BRCA2: variants seen among roughly 807,000 people sequenced by gnomAD.
BRCA2 encodes breast cancer type 2 susceptibility protein.
In BRCA2, 203 loss-of-function variants were observed where a neutral mutation model predicts 276.7. The ratio of observed to expected loss-of-function variants is 0.73; its 90% CI spans 0.65 to 0.82. The LOEUF (loss-of-function observed/expected upper bound fraction) is 0.82. BRCA2 is among the 40% of genes least tolerant of loss of function. The pLI is 0.00. For missense variants in BRCA2, 3,920 were observed against 3,915.0 expected (o/e 1.00, Z -0.03); for synonymous variants, 1,289 against 1,338.4 (o/e 0.96, Z 0.81).
At chr13:32,342,715 T>C (rs1461642135) in intron 11 of BRCA2, among the ~76,000 whole-genome samples, 2 of 152,194 alleles carry the variant, frequency 1.3e-5, no homozygotes, top group Non-Finnish European at 2.9e-5. Flanking sequence ...CATTTGTGTA[T>C]GTGAACATAG....
Position 32,337,464 on chromosome 13 carries a change from C to T in BRCA2, c.3109C>T (p.Gln1037Ter), listed in dbSNP as rs80358557. ...AATGTTCTTCAAAGATATTGAAGAA[C>T]AATATCCTACTAGTTTAGCTTGTGT... is the stretch of plus-strand genomic sequence containing the variant. ...SKMFFKDIEEQYPTSLACVEI... is the reference protein window; with the variant it reads ...SKMFFKDIEE Residue 1037 changes from glutamine to a stop codon, truncating the protein, a stop_gained, in exon 11 of 27, where the codon CAA becomes TAA. Transcript: ENST00000380152. LOFTEE classifies it high-confidence loss of function. 1 of 1,612,258 alleles carries T rather than the reference C, an allele frequency of 6.2e-7. No homozygotes were observed. Among genetic ancestry groups the T allele is most frequent in the East Asian group, 2.2e-5 (1 of 44,820 alleles).
Sources: gnomAD v4.1 joint callset for allele counts (sites outside exome capture counted in the v4.1 genomes callset) on GRCh38, gnomAD v4.1.1 for gene constraint, MANE v1.5 for transcripts, NCBI Gene and HGNC (gene_info 2026-07-23, HGNC 2026-07-21) for gene names.